FUT8: variants seen among roughly 807,000 people sequenced by gnomAD.
The protein encoded by FUT8 is fucosyltransferase 8.
In FUT8, 29 loss-of-function variants were observed where a neutral mutation model predicts 71.3. The ratio of observed to expected loss-of-function variants is 0.41; its 90% CI spans 0.30 to 0.55. The LOEUF is 0.55. Ranked by LOEUF, FUT8 falls within the 20% of genes least tolerant of loss-of-function variation. FUT8 has a pLI of 0.34. For synonymous variants in FUT8, 254 were observed against 239.3 expected (o/e 1.06, Z -0.57); for missense variants, 544 against 702.1 (o/e 0.77, Z 2.55).
At chr14:65,382,886 T>G in the FUT8 span, among the ~76,000 whole-genome samples, 5 of 152,178 alleles carry the variant, frequency 3.3e-5, no homozygotes, top group Non-Finnish European at 7.4e-5. Context: ...CCAGATCAAA[T>G]TCATTATGCC....
Position 65,724,221 on chromosome 14 carries a change from T to C in FUT8, c.1157T>C (p.Val386Ala), listed in dbSNP as rs1895567474. The stretch of plus-strand genomic sequence containing the variant: ...CCCATTGAAGAGTACATGGTGCATG[T>C]TGAAGAACATTTTCAGCTTCTTGCA... The part of the protein sequence containing the change: ...FHPIEEYMVH[V>A]EEHFQLLARR... Residue 386 changes from valine to alanine, a missense_variant, in exon 9 of 11, where the codon GTT becomes GCT. By Grantham distance (64) the Val-to-Ala change is moderately conservative. Transcript: ENST00000673929. 1.2e-6 allele frequency: 2 copies of C among 1,613,590 alleles called. No homozygotes were observed. The highest frequency in any genetic ancestry group is 1.7e-6 in the Non-Finnish European group (2 of 1,179,880).
chr14:65,497,274 G>A (rs1035003214), intron 2 of FUT8, among the ~76,000 whole-genome samples: 7 of 152,166 alleles, frequency 4.6e-5, no homozygotes, highest in Admixed American at 2.0e-4. Flanking sequence ...TGAAGGACTT[G>A]TTTGGAAGTT....
chr14:65,439,408 A>C (rs774580104), intron 1 of FUT8, among the ~76,000 whole-genome samples: 4 of 152,208 alleles, frequency 2.6e-5, no homozygotes, highest in African/African-American at 7.2e-5. Flanking sequence ...ATATAGGCTA[A>C]TTAGAATATT....
chr14:65,700,413 C>T (rs111810177), intron 7 of FUT8, among the ~76,000 whole-genome samples: 5,517 of 44,358 alleles, frequency 0.12, 190 homozygotes, highest in Admixed American at 0.26. Flanking sequence ...TTTTTTGAGA[C>T]GGAGTCTTGC....
At chr14:65,716,148 G>T (rs927513843) in intron 7 of FUT8, among the ~76,000 whole-genome samples, 26 of 152,226 alleles carry the variant, frequency 1.7e-4, no homozygotes, top group Non-Finnish European at 2.2e-4. Context: ...GGTCCATTTG[G>T]TTTCTGATGC....
chr14:65,616,451 CA>C (rs1219680793), intron 5 of FUT8, 78 bp downstream of exon 5: 20 of 1,260,434 alleles, frequency 1.6e-5, no homozygotes. Context: ...CTTGTTAATC[CA>C]TCTGTTGAGT....
intron 3 of FUT8, among the ~76,000 whole-genome samples, chr14:65,612,018 A>G (rs1889025801): frequency 6.6e-6 from 1 of 152,158 alleles, no homozygotes; most frequent in African/African-American, 2.4e-5. Context: ...TGAACATATG[A>G]AATACAGTCA....
chr14:65,694,281 TTTCA>T (rs1240629612), intron 7 of FUT8, among the ~76,000 whole-genome samples: 1 of 152,038 alleles, frequency 6.6e-6, no homozygotes, highest in Non-Finnish European at 1.5e-5. Context: ...TTTTCTTCCT[TTTCA>T]TTATGTGTAT....
chr14:65,729,343 C>T (rs539091127), intron 9 of FUT8, among the ~76,000 whole-genome samples: 1 of 152,158 alleles, frequency 6.6e-6, no homozygotes, highest in East Asian at 1.9e-4. Flanking sequence ...TGACTACATA[C>T]ATATACGCTG....
intron 2 of FUT8, chr14:65,488,380 T>C (rs1344060551): frequency 3.3e-5 from 5 of 152,234 alleles, no homozygotes; most frequent in Non-Finnish European, 7.3e-5. Context: ...CTTCGGTGTA[T>C]GCACCCAACC....
intron 2 of FUT8, among the ~76,000 whole-genome samples, chr14:65,484,963 T>G (rs1275908263): frequency 6.6e-6 from 1 of 152,122 alleles, no homozygotes; most frequent in African/African-American, 2.4e-5. Flanking sequence ...ATATTATAGT[T>G]TTCATCTTTA....
intron 2 of FUT8, among the ~76,000 whole-genome samples, chr14:65,544,783 C>T (rs1884890183): frequency 6.6e-6 from 1 of 151,956 alleles, no homozygotes; most frequent in Admixed American, 6.6e-5. Context: ...ATGATGCTGG[C>T]ATTTTAAATT....
chr14:65,422,518 G>T (rs2139390134), intron 1 of FUT8, among the ~76,000 whole-genome samples: 1 of 151,518 alleles, frequency 6.6e-6, no homozygotes, highest in East Asian at 1.9e-4. Flanking sequence ...TTTTTTAAGA[G>T]ATAGGGTCTT....
At chr14:65,739,009 G>A (rs1356110491) in intron 10 of FUT8, among the ~76,000 whole-genome samples, 4 of 151,962 alleles carry the variant, frequency 2.6e-5, no homozygotes, top group African/African-American at 9.7e-5. Context: ...TTCTGACTGT[G>A]GCTCTGCCAT....
intron 2 of FUT8, among the ~76,000 whole-genome samples, chr14:65,471,897 G>T (rs1594670210): frequency 6.6e-6 from 1 of 151,946 alleles, no homozygotes; most frequent in Non-Finnish European, 1.5e-5. Flanking sequence ...ATCTCATTTG[G>T]CAGTATTGTT....
chr14:65,715,194 G>A (rs1040200368), intron 7 of FUT8, among the ~76,000 whole-genome samples: 3 of 152,222 alleles, frequency 2.0e-5, no homozygotes, highest in Admixed American at 2.0e-4. Context: ...TCCCCACTCA[G>A]TAGGATATTA....
At chr14:65,372,605 C>T in the FUT8 span, among the ~76,000 whole-genome samples, 8 of 151,886 alleles carry the variant, frequency 5.3e-5, no homozygotes, top group South Asian at 2.1e-4. Flanking sequence ...TTAGTAGAGA[C>T]GGGGTTTCAC....
At position 65,658,663 on chromosome 14, in the gene FUT8, A is replaced by T. The variant is rs957611411; in HGVS notation, c.598-10580A>T. ...CTGAGTAATAAGGCAATCTCAAAAG[A>T]TTAACTACTATCTAATTCCATTTAT... On this transcript the variant is annotated intron_variant, in intron 6 of 10. Coordinates refer to ENST00000673929, the MANE Select transcript of FUT8 (RefSeq NM_001371533.1). Among the ~76,000 whole-genome samples the T allele has an allele frequency of 2.6e-5, 4 of 152,160 alleles. No individual in the cohort carries two copies. The South Asian group carries it at 8.3e-4, about 31-fold the overall frequency.
At chr14:65,379,300 C>T in the FUT8 span, among the ~76,000 whole-genome samples, 2 of 151,788 alleles carry the variant, frequency 1.3e-5, no homozygotes, top group South Asian at 2.1e-4. Flanking sequence ...GGGGCTGAGG[C>T]GAGCAGATCA....
Sources: gnomAD v4.1 joint callset for allele counts (sites outside exome capture counted in the v4.1 genomes callset) on GRCh38, gnomAD v4.1.1 for gene constraint, MANE v1.5 for transcripts, NCBI Gene and HGNC (gene_info 2026-07-23, HGNC 2026-07-21) for gene names.